Variants in THADA observed in about 807,000 individuals in gnomAD.
The protein encoded by THADA is THADA armadillo repeat containing, also known as tRNA (32-2'-O)-methyltransferase regulator THADA.
Under a neutral mutation model 219.8 loss-of-function variants are expected in THADA, and 213 were observed. The observed-to-expected ratio is 0.97, with a 90% CI of 0.87 to 1.09. The LOEUF (loss-of-function observed/expected upper bound fraction) is 1.09, where lower values mean the gene tolerates loss of function less well. Among genes scored for constraint, THADA ranks in the 50% least tolerant of loss-of-function variants. The pLI is 0.00. For missense variants in THADA, 2,956 were observed against 2,311.3 expected (o/e 1.28, Z -5.72); for synonymous variants, 1,018 against 828.9 (o/e 1.23, Z -3.92).
At chr2:43,381,214 G>C (rs1182345017) in intron 29 of THADA, among the ~76,000 whole-genome samples, 1 of 151,556 alleles carries the variant, frequency 6.6e-6, no homozygotes, top group East Asian at 1.9e-4. Context: ...AACTGAAGCT[G>C]AAACAACTGG....
At chr2:43,271,637 CAG>C (rs1672133904) in intron 36 of THADA, among the ~76,000 whole-genome samples, 1 of 106,272 alleles carries the variant, frequency 9.4e-6, no homozygotes, top group Admixed American at 1.1e-4. Flanking sequence ...TTTTTTTTGA[CAG>C]AGTTTCGTTC....
chr2:43,379,395 T>G (rs1036783108), intron 29 of THADA, among the ~76,000 whole-genome samples: 1 of 152,074 alleles, frequency 6.6e-6, no homozygotes, highest in Non-Finnish European at 1.5e-5. Context: ...TGTGAAATAA[T>G]AGAACCAAAA....
At chr2:43,238,167 A>G (rs1231108750) in intron 36 of THADA, among the ~76,000 whole-genome samples, 1 of 142,484 alleles carries the variant, frequency 7.0e-6, no homozygotes, top group Non-Finnish European at 1.5e-5. Context: ...GGAAAGAAGG[A>G]AGGGAGGGAG....
intron 36 of THADA, among the ~76,000 whole-genome samples, chr2:43,241,484 G>C (rs983050732): frequency 1.3e-5 from 2 of 149,844 alleles, no homozygotes; most frequent in Non-Finnish European, 3.0e-5. Context: ...AAGCTGAGTT[G>C]TGTCAGCTAA....
At position 43,574,518 on chromosome 2, in the gene THADA, C is replaced by T. The variant is rs374097298; in HGVS notation, c.1547G>A (p.Ser516Asn). The T allele has an allele frequency of 1.4e-5, 23 of 1,613,866 alleles. No homozygotes were observed. Among genetic ancestry groups the T allele is most frequent in the Middle Eastern group, 1.6e-4 (1 of 6,084 alleles). Residue 516 changes from serine to asparagine, a missense_variant, in exon 11 of 38, where the codon AGT (serine) becomes AAT (asparagine). Transcript: ENST00000405975. ...CTCATGCCACTGGTCAATCCAAGAA[C>T]TCTCAGCAGTCTGGGATTTCAAATG... The part of the protein sequence containing the change: ...KSHLKSQTAE[S>N]SWIDQWHETW...
At chr2:43,284,607 G>A (rs1166272511) in intron 35 of THADA, among the ~76,000 whole-genome samples, 2 of 152,204 alleles carry the variant, frequency 1.3e-5, no homozygotes, top group Admixed American at 1.3e-4. Flanking sequence ...ACCTCTATTA[G>A]GGCAATATAG....
At chr2:43,559,696 A>G (rs1182733965) in intron 16 of THADA, among the ~76,000 whole-genome samples, 2 of 152,244 alleles carry the variant, frequency 1.3e-5, no homozygotes. Context: ...GTCAGGAAGA[A>G]TGGAGGGGCT....
intron 29 of THADA, among the ~76,000 whole-genome samples, chr2:43,365,503 G>A (rs1301870960): frequency 1.3e-5 from 2 of 151,600 alleles, no homozygotes; most frequent in Admixed American, 6.6e-5. Flanking sequence ...CCTGGGAGGT[G>A]GAGGCTGCAG....
intron 26 of THADA, among the ~76,000 whole-genome samples, chr2:43,450,107 A>T (rs1479263243): frequency 6.6e-6 from 1 of 152,200 alleles, no homozygotes; most frequent in Non-Finnish European, 1.5e-5. Context: ...CAGTAAAGGG[A>T]AATACATGGG....
chr2:43,413,066 T>C (rs939072544), intron 28 of THADA, among the ~76,000 whole-genome samples: 3 of 152,132 alleles, frequency 2.0e-5, no homozygotes, highest in African/African-American at 7.2e-5. Context: ...GGGTTAACGA[T>C]AAAAAAAGCT....
At chr2:43,292,799 G>C in intron 32 of THADA, 35 bp downstream of exon 32, 1 of 1,585,546 alleles carries the variant, frequency 6.3e-7, no homozygotes, top group Non-Finnish European at 8.6e-7. Flanking sequence ...AATGTGGGGA[G>C]TGTAAAGGGC....
chr2:43,513,656 C>G (rs892516944), intron 22 of THADA, among the ~76,000 whole-genome samples: 1 of 152,110 alleles, frequency 6.6e-6, no homozygotes, highest in Non-Finnish European at 1.5e-5. Flanking sequence ...ACTACCTAAT[C>G]TAGTTCCTCT....
At chr2:43,365,046 C>T (rs1188688018) in intron 29 of THADA, among the ~76,000 whole-genome samples, 1 of 151,544 alleles carries the variant, frequency 6.6e-6, no homozygotes, top group Non-Finnish European at 1.5e-5. Context: ...CAACCTCCGC[C>T]TCCCGAGTAG....
intron 36 of THADA, among the ~76,000 whole-genome samples, chr2:43,271,284 G>T (rs1041321772): frequency 6.6e-6 from 1 of 152,170 alleles, no homozygotes; most frequent in Non-Finnish European, 1.5e-5. Context: ...GCCAGTCTTA[G>T]TAGATGCTTC....
At chr2:43,480,627 A>C (rs1298553635) in intron 26 of THADA, among the ~76,000 whole-genome samples, 1 of 151,982 alleles carries the variant, frequency 6.6e-6, no homozygotes, top group Non-Finnish European at 1.5e-5. Flanking sequence ...TGGCCAATGT[A>C]GTGAAACCCC....
chr2:43,576,875 G>C (rs1171577246), intron 10 of THADA, 147 bp downstream of exon 10: 4 of 701,168 alleles, frequency 5.7e-6, no homozygotes, highest in African/African-American at 5.4e-5. Context: ...GGCTGGTTTT[G>C]AACTCCTGGC....
intron 24 of THADA, among the ~76,000 whole-genome samples, chr2:43,504,113 A>G (rs1474549301): frequency 1.3e-5 from 2 of 152,212 alleles, no homozygotes; most frequent in African/African-American, 4.8e-5. Flanking sequence ...GGTCCCCAGC[A>G]TTTCAGATAA....
At chr2:43,284,993 T>C (rs2104335066) in intron 35 of THADA, among the ~76,000 whole-genome samples, 1 of 152,302 alleles carries the variant, frequency 6.6e-6, no homozygotes, top group African/African-American at 2.4e-5. Flanking sequence ...ATCTCTCCCA[T>C]TTGGAATGGG....
chr2:43,462,181 T>C (rs763764819), intron 26 of THADA, among the ~76,000 whole-genome samples: 4 of 152,092 alleles, frequency 2.6e-5, no homozygotes, highest in Non-Finnish European at 4.4e-5. Context: ...ATTTTGAAAA[T>C]GTTAGAGCAA....
Sources: gnomAD v4.1 joint callset for allele counts (sites outside exome capture counted in the v4.1 genomes callset) on GRCh38, gnomAD v4.1.1 for gene constraint, MANE v1.5 for transcripts, NCBI Gene and HGNC (gene_info 2026-07-23, HGNC 2026-07-21) for gene names.